Variants in NGF observed in about 807,000 individuals in gnomAD.
The protein encoded by NGF is beta-nerve growth factor.
Under a neutral mutation model 12.8 loss-of-function variants are expected in NGF, and 4 were observed. The ratio of observed to expected loss-of-function variants is 0.31; its 90% confidence interval spans 0.15 to 0.72. The LOEUF (loss-of-function observed/expected upper bound fraction) is 0.72. Ranked by LOEUF, NGF falls within the 30% of genes least tolerant of loss-of-function variation. The probability of loss-of-function intolerance (pLI) is 0.69; values close to 1 mark genes in which losing one functional copy is unlikely to be tolerated. For synonymous variants in NGF, 140 were observed against 130.0 expected (o/e 1.08, Z -0.52); for missense variants, 283 against 330.8 (o/e 0.86, Z 1.12).
chr1:115,291,908 G>A (rs1653713638), intron 2 of NGF, among the ~76,000 whole-genome samples: 1 of 152,266 alleles, frequency 6.6e-6, no homozygotes, highest in Non-Finnish European at 1.5e-5. Flanking sequence ...AGACAGCCAT[G>A]CCAAGAGCCA....
Position 115,333,671 on chromosome 1 carries a change from TTC to T in NGF, c.-137+4531_-137+4532del, listed in dbSNP as rs1491309692. 1.1e-4 allele frequency among the ~76,000 whole-genome samples: 6 copies of T among 56,218 alleles called. No homozygotes were observed. In the East Asian group the frequency reaches 6.8e-3, roughly 63 times the overall value. 36.9% of individuals were successfully genotyped at this position (56,218 alleles called of 152,430 possible). On this transcript the variant is annotated intron_variant, in intron 1 of 2. Coordinates refer to ENST00000369512, the MANE Select transcript of NGF (RefSeq NM_002506.3). Reference sequence around the variant, plus strand: ...TCTTTCTTTCTCTTTCTTTCTTTCTTTCTTTCTTTCTTTCTTTCTTTCTTTCT... The same window carrying T: ...TCTTTCTTTCTCTTTCTTTCTTTCTTTTTCTTTCTTTCTTTCTTTCTTTCT...
At chr1:115,290,951 C>T (rs1653677664) in intron 2 of NGF, among the ~76,000 whole-genome samples, 1 of 152,174 alleles carries the variant, frequency 6.6e-6, no homozygotes, top group South Asian at 2.1e-4. Flanking sequence ...TATATTCTTT[C>T]ATTTCAGGTA....
chr1:115,297,468 C>A (rs558072694), intron 1 of NGF, among the ~76,000 whole-genome samples: 1 of 152,174 alleles, frequency 6.6e-6, no homozygotes, highest in East Asian at 1.9e-4. Flanking sequence ...CAACCAACCC[C>A]GAGCCTGGTA....
chr1:115,317,949 G>A (rs577755983), intron 1 of NGF, among the ~76,000 whole-genome samples: 1 of 152,262 alleles, frequency 6.6e-6, no homozygotes, highest in South Asian at 2.1e-4. Context: ...GTAGTAAAAT[G>A]ATAGCCCCGG....
At chr1:115,301,970 G>A (rs1654049276) in intron 1 of NGF, among the ~76,000 whole-genome samples, 1 of 152,184 alleles carries the variant, frequency 6.6e-6, no homozygotes, top group African/African-American at 2.4e-5. Context: ...TTTATACTTG[G>A]TTATCCAGGG....
chr1:115,290,937 C>T (rs1347391875), intron 2 of NGF, among the ~76,000 whole-genome samples: 1 of 152,200 alleles, frequency 6.6e-6, no homozygotes, highest in African/African-American at 2.4e-5. Context: ...TATCTTCCAA[C>T]CATTATATTC....
At chr1:115,294,238 C>T (rs1653793782) in intron 1 of NGF, among the ~76,000 whole-genome samples, 1 of 152,228 alleles carries the variant, frequency 6.6e-6, no homozygotes, top group South Asian at 2.1e-4. Flanking sequence ...ATAAGACAGA[C>T]TGACCATTTG....
chr1:115,289,242 G>T (rs147949613), intron 2 of NGF, among the ~76,000 whole-genome samples: 2 of 152,168 alleles, frequency 1.3e-5, no homozygotes, highest in African/African-American at 4.8e-5. Context: ...GTTCTTCTCG[G>T]TACATAATAT....
At chr1:115,331,353 C>T (rs958071508) in intron 1 of NGF, among the ~76,000 whole-genome samples, 1 of 152,194 alleles carries the variant, frequency 6.6e-6, no homozygotes, top group Non-Finnish European at 1.5e-5. Flanking sequence ...ATCCTACCTG[C>T]CTATGGGACA....
chr1:115,326,391 T>C (rs945227260), intron 1 of NGF, among the ~76,000 whole-genome samples: 7 of 152,142 alleles, frequency 4.6e-5, no homozygotes, highest in Non-Finnish European at 1.0e-4. Flanking sequence ...ACCAAACGAT[T>C]GAGCAAAAGC....
At chr1:115,310,167 G>T (rs1228908935) in intron 1 of NGF, among the ~76,000 whole-genome samples, 1 of 152,204 alleles carries the variant, frequency 6.6e-6, no homozygotes, top group African/African-American at 2.4e-5. Context: ...AGGAGAATAC[G>T]CATGAAATTG....
chr1:115,308,348 G>A (rs1654254253), intron 1 of NGF, among the ~76,000 whole-genome samples: 1 of 152,212 alleles, frequency 6.6e-6, no homozygotes, highest in Non-Finnish European at 1.5e-5. Flanking sequence ...AGAGTGGCAG[G>A]TGTTAAAGGC....
chr1:115,305,983 T>A (rs1383917069), intron 1 of NGF, among the ~76,000 whole-genome samples: 1 of 152,184 alleles, frequency 6.6e-6, no homozygotes, highest in Non-Finnish European at 1.5e-5. Flanking sequence ...CTGTTAATAT[T>A]TCCATTCATG....
In NGF at chr1:115,333,679, TTC is replaced by T. The variant is rs1424776413; in HGVS notation, c.-137+4523_-137+4524del. The stretch of plus-strand genomic sequence containing the variant: ...TCTCTTTCTTTCTTTCTTTCTTTCT[TTC>T]TTTCTTTCTTTCTTTCTTTCTTTCT... On this transcript the variant is annotated intron_variant, in intron 1 of 2. Transcript: ENST00000369512. Among the ~76,000 whole-genome samples the T allele has an allele frequency of 1.2e-3, 77 of 66,356 alleles. No individual in the cohort carries two copies. In the African/African-American group the frequency reaches 0.014, roughly 12 times the overall value. 43.5% of individuals were successfully genotyped at this position (66,356 alleles called of 152,430 possible).
chr1:115,285,950 A>G lies in NGF; in HGVS notation c.*120T>C. 1 of 1,354,074 alleles carries G rather than the reference A, an allele frequency of 7.4e-7. No homozygotes were observed. The highest frequency in any genetic ancestry group is 9.9e-7 in the Non-Finnish European group (1 of 1,014,880). The allele number at this position is 1,354,074 out of a possible 1,614,324, so 83.9% of individuals were successfully genotyped here. A position where few individuals can be genotyped will look rare whatever the true frequency, so the allele number is the denominator to read the frequency against. On this transcript the variant is annotated 3_prime_UTR_variant, in exon 3 of 3. Transcript: ENST00000369512. ...AAAATTTAATAAATAATGATTCTTT[A>G]AAACTGTATAAACTATAAATTACCA...
chr1:115,327,689 A>G (rs10858074), intron 1 of NGF, among the ~76,000 whole-genome samples: 17,458 of 152,270 alleles, frequency 0.11, 2,010 homozygotes, highest in African/African-American at 0.3. Context: ...AGCACAAAAA[A>G]AGTAAGTCAG....
intron 1 of NGF, among the ~76,000 whole-genome samples, chr1:115,325,894 C>T (rs2101051688): frequency 6.6e-6 from 1 of 152,186 alleles, no homozygotes; most frequent in African/African-American, 2.4e-5. Context: ...ATAATTATGT[C>T]ATTATCTAAA....
chr1:115,302,004 G>T lies in NGF; in HGVS notation c.-136-8254C>A, dbSNP rs547738121. Among the ~76,000 whole-genome samples, 15 of 152,316 alleles carry T rather than the reference G, an allele frequency of 9.8e-5. No individual in the cohort carries two copies. The South Asian group carries it at 2.5e-3, about 25-fold the overall frequency. On this transcript the variant is annotated intron_variant, in intron 1 of 2. Coordinates refer to ENST00000369512, the MANE Select transcript of NGF (RefSeq NM_002506.3). ...GGATTTGGGACAAGTTTAGGCATCT[G>T]CTGGATTAACTTCTTGAGGTCTTAG...
chr1:115,316,494 A>G (rs149164532), intron 1 of NGF, among the ~76,000 whole-genome samples: 383 of 152,354 alleles, frequency 2.5e-3, no homozygotes, highest in Non-Finnish European at 4.3e-3. Flanking sequence ...AATTTCTTAT[A>G]TATCTTGTAT....
Sources: allele counts gnomAD v4.1 joint callset (sites outside exome capture counted in the v4.1 genomes callset), GRCh38; gene constraint gnomAD v4.1.1; transcripts MANE v1.5; gene names NCBI Gene and HGNC (gene_info 2026-07-23, HGNC 2026-07-21).